The following CSGALNACT1 variants were observed in gnomAD, a reference collection of about 807,000 sequenced individuals.
CSGALNACT1 encodes beta4GalNAcT-1.
Under a neutral mutation model 51.0 loss-of-function variants are expected in CSGALNACT1, and 52 were observed. That is an observed-to-expected ratio of 1.02 (90% CI 0.82 to 1.29). The LOEUF (loss-of-function observed/expected upper bound fraction) is 1.29. Ranked by LOEUF, CSGALNACT1 falls within the 50% of genes most tolerant of loss-of-function variation. The pLI, the probability that CSGALNACT1 is intolerant of heterozygous loss-of-function variation, is 0.00. For missense variants in CSGALNACT1, 935 were observed against 679.2 expected (o/e 1.38, Z -4.19); for synonymous variants, 341 against 254.4 (o/e 1.34, Z -3.24).
chr8:19,557,688 A>T (rs1251252870), intron 3 of CSGALNACT1, among the ~76,000 whole-genome samples: 2 of 152,142 alleles, frequency 1.3e-5, no homozygotes, highest in Non-Finnish European at 2.9e-5. Context: ...CATTCTACCC[A>T]AACAGCACCC....
At chr8:19,747,592 CAA>C (rs1366736290) in intron 1 of CSGALNACT1, among the ~76,000 whole-genome samples, 1 of 152,204 alleles carries the variant, frequency 6.6e-6, no homozygotes, top group East Asian at 1.9e-4. Flanking sequence ...CTCGATCCAA[CAA>C]AGTGACTATT....
intron 1 of CSGALNACT1, among the ~76,000 whole-genome samples, chr8:19,720,880 T>C (rs1194603133): frequency 6.6e-6 from 1 of 152,208 alleles, no homozygotes; most frequent in Non-Finnish European, 1.5e-5. Flanking sequence ...GCCAGATACC[T>C]GTCCCCAAGG....
At chr8:19,753,047 G>A (rs1295549904) in intron 1 of CSGALNACT1, among the ~76,000 whole-genome samples, 1 of 152,098 alleles carries the variant, frequency 6.6e-6, no homozygotes, top group Admixed American at 6.5e-5. Flanking sequence ...CCTGCATAAA[G>A]CTTTGTACCT....
chr8:19,457,830 C>T, intron 5 of CSGALNACT1: 1 of 1,349,918 alleles, frequency 7.4e-7, no homozygotes, highest in Non-Finnish European at 9.8e-7. Context: ...AAAAATGAAA[C>T]CCAGCTTAGT....
chr8:19,406,596 G>A (rs1259809999), intron 9 of CSGALNACT1, among the ~76,000 whole-genome samples: 17 of 117,876 alleles, frequency 1.4e-4, no homozygotes, highest in East Asian at 1.4e-3. Context: ...ATAAACATGC[G>A]CATAATAATT....
chr8:19,692,040 TAGC>T (rs1564434449), intron 1 of CSGALNACT1, among the ~76,000 whole-genome samples: 1 of 138,112 alleles, frequency 7.2e-6, no homozygotes, highest in African/African-American at 2.8e-5. Flanking sequence ...CTTCGCAAAG[TAGC>T]AGAAGAGAAA....
At chr8:19,676,403 T>C (rs1477555320) in intron 1 of CSGALNACT1, among the ~76,000 whole-genome samples, 3 of 152,180 alleles carry the variant, frequency 2.0e-5, no homozygotes. Context: ...GTGGAAATTA[T>C]AGAACTGAAA....
intron 3 of CSGALNACT1, among the ~76,000 whole-genome samples, chr8:19,511,751 G>C (rs1161900674): frequency 6.6e-6 from 1 of 152,052 alleles, no homozygotes; most frequent in Non-Finnish European, 1.5e-5. Context: ...CCTGAGACTG[G>C]GTAATTTATA....
At chr8:19,666,312 T>C (rs2154193765) in intron 1 of CSGALNACT1, among the ~76,000 whole-genome samples, 1 of 152,258 alleles carries the variant, frequency 6.6e-6, no homozygotes, top group East Asian at 1.9e-4. Context: ...CCAGACAAAA[T>C]CAAACAACTT....
At chr8:19,422,917 A>T (rs1192573719) in intron 6 of CSGALNACT1, among the ~76,000 whole-genome samples, 2 of 152,208 alleles carry the variant, frequency 1.3e-5, no homozygotes. Context: ...TATTTAATAT[A>T]TACAGCCAGT....
chr8:19,670,516 C>T (rs1345827007), intron 1 of CSGALNACT1, among the ~76,000 whole-genome samples: 1 of 150,350 alleles, frequency 6.7e-6, no homozygotes, highest in Non-Finnish European at 1.5e-5. Context: ...AATCACTGCC[C>T]CTATATTATT....
chr8:19,632,227 A>C (rs1055231788), intron 1 of CSGALNACT1, among the ~76,000 whole-genome samples: 1 of 152,280 alleles, frequency 6.6e-6, no homozygotes, highest in Non-Finnish European at 1.5e-5. Flanking sequence ...GTAACTTTAC[A>C]TAATCAAAAT....
intron 4 of CSGALNACT1, among the ~76,000 whole-genome samples, chr8:19,466,377 T>C (rs919302814): frequency 2.0e-5 from 3 of 152,206 alleles, no homozygotes; most frequent in Non-Finnish European, 4.4e-5. Flanking sequence ...ACTTCAGCCA[T>C]GTAAATTGCC....
At chr8:19,407,357 C>A (rs2054438228) in intron 9 of CSGALNACT1, among the ~76,000 whole-genome samples, 1 of 152,096 alleles carries the variant, frequency 6.6e-6, no homozygotes, top group Non-Finnish European at 1.5e-5. Context: ...GCCAGCGAGA[C>A]CAGCAGCTCG....
chr8:19,503,757 T>C (rs2076819208), intron 4 of CSGALNACT1, among the ~76,000 whole-genome samples: 1 of 152,058 alleles, frequency 6.6e-6, no homozygotes, highest in African/African-American at 2.4e-5. Flanking sequence ...ATTCTAGACA[T>C]TTTTACTGTT....
intron 3 of CSGALNACT1, among the ~76,000 whole-genome samples, chr8:19,510,208 A>G (rs989847209): frequency 2.6e-5 from 4 of 152,152 alleles, no homozygotes; most frequent in African/African-American, 7.2e-5. Context: ...GAAACTGTGG[A>G]TTTCTTGATT....
At chr8:19,440,438 A>C (rs2061132264) in intron 5 of CSGALNACT1, among the ~76,000 whole-genome samples, 1 of 151,934 alleles carries the variant, frequency 6.6e-6, no homozygotes. Flanking sequence ...AATGTAATCC[A>C]GCATATAAAC....
intron 3 of CSGALNACT1, among the ~76,000 whole-genome samples, chr8:19,586,955 A>G (rs1288060005): frequency 2.0e-5 from 3 of 152,216 alleles, no homozygotes; most frequent in Non-Finnish European, 4.4e-5. Context: ...AATCTCCAGG[A>G]AACACTCTGG....
chr8:19,552,805 T>G lies in CSGALNACT1; in HGVS notation c.-297+38355A>C, dbSNP rs755989275. Among the ~76,000 whole-genome samples, 31 of 152,172 alleles carry G rather than the reference T, an allele frequency of 2.0e-4. 1 individual carries two copies. Among genetic ancestry groups the G allele is most frequent in the Admixed American group, 1.8e-3 (27 of 15,266 alleles). On this transcript the variant is annotated intron_variant, in intron 3 of 9. Coordinates refer to ENST00000454498, the Ensembl canonical transcript of CSGALNACT1. ...TAACTGTAGCTAAACAGAATGCTTA[T>G]AAGAACAGAATGTAAAGAACTTTTC... is the stretch of plus-strand genomic sequence containing the variant.
Sources: gnomAD v4.1 joint callset for allele counts (sites outside exome capture counted in the v4.1 genomes callset) on GRCh38, gnomAD v4.1.1 for gene constraint, MANE v1.5 for transcripts, NCBI Gene and HGNC (gene_info 2026-07-23, HGNC 2026-07-21) for gene names.